Variants in CWC27 observed in about 807,000 individuals in gnomAD.
The protein encoded by CWC27 is CWC27 spliceosome associated cyclophilin.
In CWC27, 47 loss-of-function variants were observed where a neutral mutation model predicts 63.6. The ratio of observed to expected loss-of-function variants is 0.74; its 90% CI spans 0.58 to 0.94. The LOEUF is 0.94. CWC27 is among the 40% of genes least tolerant of loss of function. The pLI, the probability that CWC27 is intolerant of heterozygous loss-of-function variation, is 0.00. For missense variants in CWC27, 495 were observed against 554.3 expected, an observed-to-expected ratio of 0.89 and a Z score of 1.07; for synonymous variants, 175 against 179.8, an observed-to-expected ratio of 0.97 and a Z score of 0.22.
chr5:64,859,483 A>G (rs1746345702), intron 10 of CWC27, among the ~76,000 whole-genome samples: 1 of 152,236 alleles, frequency 6.6e-6, no homozygotes, highest in Non-Finnish European at 1.5e-5. Context: ...AAACCTGATT[A>G]GAATTCCAAA....
intron 11 of CWC27, among the ~76,000 whole-genome samples, chr5:64,960,809 C>G (rs890481581): frequency 6.6e-6 from 1 of 151,760 alleles, no homozygotes; most frequent in African/African-American, 2.4e-5. Context: ...GAGATTGTCT[C>G]GCTATGTTGT....
chr5:64,788,900 T>C, intron 6 of CWC27, 51 bp from the exon 7 acceptor site: 1 of 1,278,080 alleles, frequency 7.8e-7, no homozygotes. Flanking sequence ...ATTTATAAGT[T>C]TGATTTGACT....
At chr5:64,949,874 T>C (rs749511215) in intron 11 of CWC27, among the ~76,000 whole-genome samples, 1 of 151,992 alleles carries the variant, frequency 6.6e-6, no homozygotes, top group Non-Finnish European at 1.5e-5. Flanking sequence ...TCTCAAACTT[T>C]TCTGCACATT....
intron 10 of CWC27, among the ~76,000 whole-genome samples, chr5:64,877,813 G>GTGA (rs1159203913): frequency 6.6e-6 from 1 of 151,866 alleles, no homozygotes; most frequent in African/African-American, 2.4e-5. Flanking sequence ...GAATTAAGAT[G>GTGA]TCAGTGTCAT....
At chr5:64,827,617 G>A (rs1251291458) in intron 10 of CWC27, among the ~76,000 whole-genome samples, 1 of 152,120 alleles carries the variant, frequency 6.6e-6, no homozygotes, top group African/African-American at 2.4e-5. Flanking sequence ...AATAAAAACA[G>A]CTATTTTACC....
At chr5:64,796,184 G>A (rs1173958515) in intron 7 of CWC27, among the ~76,000 whole-genome samples, 3 of 152,046 alleles carry the variant, frequency 2.0e-5, no homozygotes, top group Non-Finnish European at 4.4e-5. Context: ...GTTCTGTGCT[G>A]AAGGTCTCTT....
chr5:64,884,326 G>T (rs1580701438), intron 10 of CWC27: 1 of 152,052 alleles, frequency 6.6e-6, no homozygotes, highest in Admixed American at 6.6e-5. Flanking sequence ...CAGAATTCAG[G>T]ATCTTGGAGG....
intron 10 of CWC27, among the ~76,000 whole-genome samples, chr5:64,819,345 G>A (rs893682227): frequency 3.3e-5 from 5 of 151,950 alleles, no homozygotes; most frequent in Admixed American, 2.0e-4. Flanking sequence ...AGAAACCTTC[G>A]TGTGTACCCC....
At chr5:64,788,053 T>G (rs992378394) in intron 6 of CWC27, among the ~76,000 whole-genome samples, 13 of 152,296 alleles carry the variant, frequency 8.5e-5, no homozygotes, top group African/African-American at 3.1e-4. Flanking sequence ...CCAGACACTT[T>G]AATAAGCAGT....
chr5:64,992,253 G>A (rs553555032), intron 13 of CWC27, among the ~76,000 whole-genome samples: 116 of 152,238 alleles, frequency 7.6e-4, no homozygotes, highest in African/African-American at 2.7e-3. Flanking sequence ...ATTTCCATGT[G>A]ATAAATGAGG....
intron 10 of CWC27, among the ~76,000 whole-genome samples, chr5:64,817,961 TAG>T (rs1369382961): frequency 1.3e-5 from 2 of 152,154 alleles, no homozygotes; most frequent in African/African-American, 2.4e-5. Context: ...ACATTTCTTT[TAG>T]AGACCCTTAA....
intron 10 of CWC27, among the ~76,000 whole-genome samples, chr5:64,847,000 A>AG (rs959929656): frequency 6.6e-6 from 1 of 151,262 alleles, no homozygotes; most frequent in Non-Finnish European, 1.5e-5. Context: ...TCTCAAAAAA[A>AG]AAAAAAAAAA....
chr5:64,950,988 G>A (rs1406421756), intron 11 of CWC27, among the ~76,000 whole-genome samples: 3 of 151,808 alleles, frequency 2.0e-5, no homozygotes, highest in African/African-American at 7.3e-5. Flanking sequence ...CACTGTATGT[G>A]TATACCATAA....
intron 11 of CWC27, among the ~76,000 whole-genome samples, chr5:64,906,154 C>A (rs967547434): frequency 6.6e-6 from 1 of 152,052 alleles, no homozygotes; most frequent in African/African-American, 2.4e-5. Context: ...GTGCATGTGT[C>A]TTTATAGTAG....
intron 13 of CWC27, among the ~76,000 whole-genome samples, chr5:65,013,666 A>G (rs1749999604): frequency 1.3e-5 from 2 of 152,192 alleles, no homozygotes; most frequent in Non-Finnish European, 2.9e-5. Flanking sequence ...TATAAAAGAA[A>G]TGTGGAAGAA....
intron 10 of CWC27, among the ~76,000 whole-genome samples, chr5:64,860,151 C>T (rs1437867301): frequency 6.6e-6 from 1 of 152,108 alleles, no homozygotes; most frequent in Non-Finnish European, 1.5e-5. Context: ...AACTGCTATG[C>T]CATTCTTACC....
rs139773531 is a variant in CWC27 at position 64,960,299 on chromosome 5, C to A, written c.1043-11404C>A. 4.1e-3 allele frequency among the ~76,000 whole-genome samples: 622 copies of A among 151,966 alleles called. 2 individuals are homozygous for A. The highest frequency in any genetic ancestry group is 0.014 in the African/African-American group (581 of 41,440). On this transcript the variant is annotated intron_variant, in intron 11 of 13. Transcript: ENST00000381070. ...GAGCCAGACTACATAGGTTTATATCCCCAGGCTTATAATCCATGTGATAAA... is the reference window on the plus strand; with the variant it reads ...GAGCCAGACTACATAGGTTTATATCACCAGGCTTATAATCCATGTGATAAA...
intron 11 of CWC27, among the ~76,000 whole-genome samples, chr5:64,960,064 C>CT (rs554367004): frequency 6.6e-4 from 100 of 151,982 alleles, no homozygotes; most frequent in African/African-American, 2.0e-3. Context: ...ACTGTTTGGT[C>CT]TTTTTTTTCC....
intron 11 of CWC27, among the ~76,000 whole-genome samples, chr5:64,905,200 C>CAAAAAA (rs71608574): frequency 6.5e-4 from 36 of 55,550 alleles, no homozygotes; most frequent in Admixed American, 2.2e-3. Flanking sequence ...CACTACATCT[C>CAAAAAA]AAAAAAAAAA....
Sources: allele counts gnomAD v4.1 joint callset (sites outside exome capture counted in the v4.1 genomes callset), GRCh38; gene constraint gnomAD v4.1.1; transcripts MANE v1.5; gene names NCBI Gene and HGNC (gene_info 2026-07-23, HGNC 2026-07-21).